The following ATP10D variants were observed in gnomAD, a reference collection of about 807,000 sequenced individuals.
The protein encoded by ATP10D is ATPase phospholipid transporting 10D (putative).
In ATP10D, 89 loss-of-function variants were observed where a neutral mutation model predicts 144.8. That is an observed-to-expected ratio of 0.61 (90% CI 0.52 to 0.73). The LOEUF is 0.73. ATP10D is among the 30% of genes least tolerant of loss of function. ATP10D has a pLI of 0.00. For synonymous variants in ATP10D, 571 were observed against 615.1 expected (o/e 0.93, Z 1.06); for missense variants, 1,603 against 1,714.8 (o/e 0.93, Z 1.15).
At chr4:47,540,470 A>G (rs1288164434) in intron 9 of ATP10D, among the ~76,000 whole-genome samples, 1 of 152,200 alleles carries the variant, frequency 6.6e-6, no homozygotes, top group African/African-American at 2.4e-5. Context: ...TAATATCCCC[A>G]GGTGATTAAT....
chr4:47,589,529 T>C (rs534920226), intron 22 of ATP10D, among the ~76,000 whole-genome samples: 1 of 152,246 alleles, frequency 6.6e-6, no homozygotes, highest in East Asian at 1.9e-4. Flanking sequence ...ACCAGTGATC[T>C]TGATAGCTAC....
chr4:47,573,005 AC>A lies in ATP10D; in HGVS notation c.3366+12del, dbSNP rs1331416045. Reference sequence around the variant, plus strand: ...TTTTTCTATAAGAATGTGGTATGTAACCCCAGAGAATTTGTCCCTTTTCCCT... The same window carrying A: ...TTTTTCTATAAGAATGTGGTATGTAACCCAGAGAATTTGTCCCTTTTCCCT... On this transcript the variant is annotated intron_variant, in intron 18 of 22. Coordinates refer to ENST00000273859, the MANE Select transcript of ATP10D (RefSeq NM_020453.4). 1 of 1,613,798 alleles carries A rather than the reference AC, an allele frequency of 6.2e-7. No individual in the cohort carries two copies. The highest frequency in any genetic ancestry group is 2.2e-5 in the East Asian group (1 of 44,870).
intron 11 of ATP10D, chr4:47,556,586 T>C (rs1433358398): frequency 1.3e-5 from 2 of 152,176 alleles, no homozygotes; most frequent in African/African-American, 2.4e-5. Context: ...AAAGTAATGA[T>C]AGAAGGGCAG....
At chr4:47,545,130 C>A (rs1458771386) in intron 9 of ATP10D, among the ~76,000 whole-genome samples, 1 of 152,076 alleles carries the variant, frequency 6.6e-6, no homozygotes, top group Non-Finnish European at 1.5e-5. Flanking sequence ...TCTTGAAATT[C>A]CGTAGGAAAG....
At chr4:47,560,612 A>C (rs1719246341) in intron 13 of ATP10D, among the ~76,000 whole-genome samples, 1 of 152,236 alleles carries the variant, frequency 6.6e-6, no homozygotes, top group Non-Finnish European at 1.5e-5. Context: ...CACCATTAGA[A>C]TCAAACTGGA....
At chr4:47,549,345 GTC>G (rs1018007641) in intron 10 of ATP10D, among the ~76,000 whole-genome samples, 1 of 152,050 alleles carries the variant, frequency 6.6e-6, no homozygotes, top group Non-Finnish European at 1.5e-5. Flanking sequence ...TCTCTCCCTT[GTC>G]TCTCTCTGTC....
At chr4:47,558,841 G>A (rs943379558) in intron 12 of ATP10D, 82 bp from the exon 13 acceptor site, 2 of 1,155,690 alleles carry the variant, frequency 1.7e-6, no homozygotes, top group African/African-American at 1.6e-5. Flanking sequence ...TTTTAGTGTG[G>A]ATAAAACTAC....
chr4:47,515,071 G>A (rs955313104), intron 2 of ATP10D, among the ~76,000 whole-genome samples: 2 of 151,824 alleles, frequency 1.3e-5, no homozygotes, highest in Admixed American at 6.6e-5. Context: ...AGTGATTCTC[G>A]TGCCTCAGCC....
intron 20 of ATP10D, among the ~76,000 whole-genome samples, chr4:47,581,355 G>A (rs962544296): frequency 2.6e-5 from 4 of 152,204 alleles, no homozygotes; most frequent in Non-Finnish European, 4.4e-5. Context: ...CATGGGTGGT[G>A]TTAATAGAAG....
intron 15 of ATP10D, among the ~76,000 whole-genome samples, chr4:47,564,118 T>C (rs1281737318): frequency 6.6e-6 from 1 of 152,178 alleles, no homozygotes; most frequent in African/African-American, 2.4e-5. Flanking sequence ...TCTTGAACTC[T>C]TGACCTCAAG....
intron 1 of ATP10D, among the ~76,000 whole-genome samples, chr4:47,497,254 G>A (rs1365098700): frequency 1.3e-5 from 2 of 152,098 alleles, no homozygotes; most frequent in Non-Finnish European, 2.9e-5. Context: ...TCAGGAGTTC[G>A]AGACCAGCCT....
At chr4:47,551,327 C>T (rs1305845818) in intron 10 of ATP10D, among the ~76,000 whole-genome samples, 1 of 152,146 alleles carries the variant, frequency 6.6e-6, no homozygotes, top group Non-Finnish European at 1.5e-5. Context: ...GACAAAGATA[C>T]TAGACTCTCA....
chr4:47,514,870 A>G (rs943446262), intron 2 of ATP10D, among the ~76,000 whole-genome samples: 6 of 149,624 alleles, frequency 4.0e-5, no homozygotes, highest in African/African-American at 1.5e-4. Flanking sequence ...ACTTTTAAAA[A>G]GAAAATAGTA....
intron 9 of ATP10D, among the ~76,000 whole-genome samples, chr4:47,545,251 A>G (rs752313793): frequency 4.6e-5 from 7 of 152,242 alleles, no homozygotes; most frequent in Non-Finnish European, 7.3e-5. Flanking sequence ...GTGGGCATGT[A>G]GAAAGAGAAG....
chr4:47,506,053 G>C (rs376083926), intron 1 of ATP10D, among the ~76,000 whole-genome samples: 33 of 152,146 alleles, frequency 2.2e-4, no homozygotes, highest in African/African-American at 7.2e-4. Flanking sequence ...AAGCACATTT[G>C]TGTATAGTAA....
Position 47,554,835 on chromosome 4 carries a change from T to C in ATP10D, c.1745T>C (p.Leu582Ser), listed in dbSNP as rs575685869. The change falls in exon 11 of 23, where the codon TTG (leucine) becomes TCG (serine). Residue 582 changes from leucine to serine, a missense_variant. Physicochemically the swap from Leu to Ser is moderately radical, Grantham distance 145. Transcript: ENST00000273859. Reference protein sequence around the residue: ...ETIQNPPMETLYIIDFFIALA... With the variant: ...ETIQNPPMETSYIIDFFIALA... Reference sequence around the variant, plus strand: ...ATCCAAAATCCACCAATGGAAACTTTGTACATTATCGACTTTTTCATTGCA... The same window carrying C: ...ATCCAAAATCCACCAATGGAAACTTCGTACATTATCGACTTTTTCATTGCA... 3.1e-6 allele frequency: 5 copies of C among 1,614,168 alleles called. No homozygotes were observed. Among genetic ancestry groups the C allele is most frequent in the Non-Finnish European group, 4.2e-6 (5 of 1,180,016 alleles).
chr4:47,543,977 A>G (rs1718290360), intron 9 of ATP10D, among the ~76,000 whole-genome samples: 1 of 152,188 alleles, frequency 6.6e-6, no homozygotes, highest in African/African-American at 2.4e-5. Context: ...TATTCATTTA[A>G]TAAATTTTTA....
chr4:47,583,129 G>A (rs1473213387), intron 21 of ATP10D: 1 of 152,248 alleles, frequency 6.6e-6, no homozygotes, highest in African/African-American at 2.4e-5. Context: ...GAAACAGAGA[G>A]AAACCTTGTC....
chr4:47,549,471 C>G (rs1308278421), intron 10 of ATP10D, among the ~76,000 whole-genome samples: 2 of 152,210 alleles, frequency 1.3e-5, no homozygotes, highest in African/African-American at 4.8e-5. Context: ...CTATGCACTC[C>G]TCTTACCTTC....
Sources: gnomAD v4.1 joint callset for allele counts (sites outside exome capture counted in the v4.1 genomes callset) on GRCh38, gnomAD v4.1.1 for gene constraint, MANE v1.5 for transcripts, NCBI Gene and HGNC (gene_info 2026-07-23, HGNC 2026-07-21) for gene names.